L3HYPDH: variants seen among roughly 807,000 people sequenced by gnomAD.
The protein encoded by L3HYPDH is trans-L-3-hydroxyproline dehydratase.
Under a neutral mutation model 26.5 loss-of-function variants are expected in L3HYPDH, and 32 were observed. That is an observed-to-expected ratio of 1.21 (90% CI 0.91 to 1.62). The LOEUF is 1.62. Ranked by LOEUF, L3HYPDH falls within the 40% of genes most tolerant of loss-of-function variation. L3HYPDH has a pLI of 0.00. For missense variants in L3HYPDH, 554 were observed against 476.4 expected, an observed-to-expected ratio of 1.16 and a Z score of -1.52; for synonymous variants, 215 against 196.6, an observed-to-expected ratio of 1.09 and a Z score of -0.78.
At chr14:59,471,414 G>A (rs1041918615), downstream of L3HYPDH, among the ~76,000 whole-genome samples, 3 of 152,120 alleles carry the variant, frequency 2.0e-5, no homozygotes, top group Non-Finnish European at 2.9e-5. Flanking sequence ...TAACATGTTC[G>A]ACTTGCATCT....
upstream of L3HYPDH, chr14:59,484,565 C>G (rs1890351012): frequency 1.3e-6 from 2 of 1,571,650 alleles, no homozygotes. Context: ...TCTAGTGCTT[C>G]TCGAAAAAAA....
intron 1 of L3HYPDH, among the ~76,000 whole-genome samples, chr14:59,481,037 G>C (rs1266577725): frequency 2.0e-5 from 3 of 152,266 alleles, no homozygotes; most frequent in Middle Eastern, 3.4e-3. Flanking sequence ...TTGGGAAGCT[G>C]GTTCAGGAGA....
intron 1 of L3HYPDH, among the ~76,000 whole-genome samples, chr14:59,481,134 G>C (rs1889989820): frequency 6.6e-6 from 1 of 152,056 alleles, no homozygotes; most frequent in South Asian, 2.1e-4. Context: ...AGTTGGGTAG[G>C]GTGCTACACC....
In L3HYPDH at chr14:59,476,086, T is replaced by C; in HGVS notation, c.801+6A>G. The C allele has an allele frequency of 6.2e-7, 1 of 1,613,914 alleles. No individual in the cohort carries two copies. Among genetic ancestry groups the C allele is most frequent in the Non-Finnish European group, 8.5e-7 (1 of 1,179,880 alleles). Reference sequence around the variant, plus strand: ...CTTTTGTCCCTAAACATTACAGTTTTAATACCTGTTCATCTGCAAAAACAC... The same window carrying C: ...CTTTTGTCCCTAAACATTACAGTTTCAATACCTGTTCATCTGCAAAAACAC... On this transcript the variant is annotated splice_donor_region_variant and intron_variant, in intron 3 of 4. Transcript: ENST00000247194.
At chr14:59,495,039 C>T in the L3HYPDH span, 5 of 1,613,770 alleles carry the variant, frequency 3.1e-6, no homozygotes, top group East Asian at 4.5e-5. Context: ...TTTTCCAACA[C>T]ATCACTGCAT....
the L3HYPDH span, among the ~76,000 whole-genome samples, chr14:59,498,426 A>G: frequency 2.0e-5 from 3 of 152,148 alleles, no homozygotes; most frequent in East Asian, 5.8e-4. Flanking sequence ...AGGTTTTTTT[A>G]TGTATCCCTG....
chr14:59,474,453 G>T (rs909652415), intron 4 of L3HYPDH: 50 of 687,594 alleles, frequency 7.3e-5, no homozygotes, highest in African/African-American at 5.2e-4. Flanking sequence ...ACTTGTCTGA[G>T]TCATTCTTTG....
intron 1 of L3HYPDH, among the ~76,000 whole-genome samples, 165 bp from the exon 2 acceptor site, chr14:59,479,516 GAAT>G (rs538616200): frequency 5.2e-4 from 67 of 128,386 alleles, no homozygotes; most frequent in Admixed American, 5.9e-4. Flanking sequence ...AGCATCGAGT[GAAT>G]AATAGCTAGA....
chr14:59,467,167 G>GGAGGTGACTAAC (rs11274008), intron 1 of L3HYPDH, among the ~76,000 whole-genome samples: 67,716 of 151,542 alleles, frequency 0.45, 15,744 homozygotes, highest in African/African-American at 0.57. Context: ...GAAATTATTT[G>GGAGGTGACTAAC]TCTTCCTGAC....
the L3HYPDH span, among the ~76,000 whole-genome samples, chr14:59,500,329 C>T: frequency 6.6e-6 from 1 of 152,052 alleles, no homozygotes; most frequent in Non-Finnish European, 1.5e-5. Context: ...GGTTCTACTG[C>T]AATGATAAGT....
chr14:59,471,912 T>C (rs940579036), downstream of L3HYPDH, among the ~76,000 whole-genome samples: 12 of 152,208 alleles, frequency 7.9e-5, no homozygotes, highest in Non-Finnish European at 1.3e-4. Flanking sequence ...CCTGTTTTTG[T>C]GTAACAGAGA....
upstream of L3HYPDH, chr14:59,487,591 G>A: frequency 1.0e-6 from 1 of 978,200 alleles, no homozygotes; most frequent in Non-Finnish European, 1.6e-6. Context: ...AACTGAAATG[G>A]GATGTCTTAT....
At chr14:59,487,100 G>A, upstream of L3HYPDH, 1 of 194,714 alleles carries the variant, frequency 5.1e-6, no homozygotes, top group Non-Finnish European at 1.0e-5. Context: ...CTACTCGGGA[G>A]GCTGAGACAG....
intron 1 of L3HYPDH, chr14:59,483,504 C>A (rs957949205): frequency 7.6e-7 from 1 of 1,311,830 alleles, no homozygotes. Context: ...CTTTATCCAC[C>A]GGTGAAATCT....
At chr14:59,500,386 CAA>C in the L3HYPDH span, among the ~76,000 whole-genome samples, 5 of 152,150 alleles carry the variant, frequency 3.3e-5, no homozygotes, top group East Asian at 1.9e-4. Context: ...GAAAAAAATT[CAA>C]AGTTTTTTTC....
downstream of L3HYPDH, among the ~76,000 whole-genome samples, chr14:59,470,487 A>C (rs923307549): frequency 6.6e-6 from 1 of 152,334 alleles, no homozygotes; most frequent in East Asian, 1.9e-4. Context: ...TTGTGAGTTC[A>C]TGATGAAGAG....
the L3HYPDH span, among the ~76,000 whole-genome samples, chr14:59,493,821 A>G: frequency 6.6e-6 from 1 of 152,224 alleles, no homozygotes; most frequent in Non-Finnish European, 1.5e-5. Context: ...AAGGATTATG[A>G]TCATATTATT....
At chr14:59,497,041 C>T in the L3HYPDH span, among the ~76,000 whole-genome samples, 1 of 147,230 alleles carries the variant, frequency 6.8e-6, no homozygotes. Context: ...CAATAGCACA[C>T]AGTTACCAGA....
chr14:59,479,617 T>C (rs557019227), intron 1 of L3HYPDH, among the ~76,000 whole-genome samples: 2 of 152,302 alleles, frequency 1.3e-5, no homozygotes, highest in East Asian at 3.9e-4. Context: ...ATTCATTAAC[T>C]TCCCTGAGGA....
Sources: allele counts gnomAD v4.1 joint callset (sites outside exome capture counted in the v4.1 genomes callset), GRCh38; gene constraint gnomAD v4.1.1; transcripts MANE v1.5; gene names NCBI Gene and HGNC (gene_info 2026-07-23, HGNC 2026-07-21).